MTRES1: variants seen among roughly 807,000 people sequenced by gnomAD.
The protein encoded by MTRES1 is mitochondrial transcription rescue factor 1.
In MTRES1, 11 loss-of-function variants were observed where a neutral mutation model predicts 17.4. The ratio of observed to expected loss-of-function variants is 0.63; its 90% CI spans 0.40 to 1.05. MTRES1 has a LOEUF of 1.05. MTRES1 is among the 50% of genes least tolerant of loss of function. MTRES1 has a pLI of 0.00. For synonymous variants in MTRES1, 94 were observed against 99.6 expected, an observed-to-expected ratio of 0.94 and a Z score of 0.34; for missense variants, 268 against 276.2, an observed-to-expected ratio of 0.97 and a Z score of 0.21.
At chr6:107,028,866 ATCTC>A (rs782377720) in intron 1 of MTRES1, 7 of 985,052 alleles carry the variant, frequency 7.1e-6, no homozygotes, top group Non-Finnish European at 8.4e-6. Flanking sequence ...TGCCGTGATC[ATCTC>A]TCCACTCATC....
At chr6:107,034,788 G>A (rs1254795448) in intron 1 of MTRES1, among the ~76,000 whole-genome samples, 1 of 152,120 alleles carries the variant, frequency 6.6e-6, no homozygotes. Context: ...GGGAGTTCAA[G>A]ACCAGCCTGA....
At chr6:107,044,674 G>A (rs1446608049) in intron 3 of MTRES1, among the ~76,000 whole-genome samples, 10 of 152,118 alleles carry the variant, frequency 6.6e-5, no homozygotes, top group African/African-American at 2.4e-4. Context: ...TTTGATCCAC[G>A]TAGAATTGTT....
intron 1 of MTRES1, among the ~76,000 whole-genome samples, chr6:107,031,396 AAAAG>A (rs1300740532): frequency 3.4e-5 from 5 of 148,020 alleles, no homozygotes; most frequent in South Asian, 2.2e-4. Context: ...AAAAAAAAAA[AAAAG>A]AAAAAAAAAG....
rs1434315581 is a variant in MTRES1 at position 107,044,341 on chromosome 6, C to T, written c.543+9C>T. On this transcript the variant is annotated intron_variant, in intron 3 of 3. Coordinates refer to ENST00000311381, the MANE Select transcript of MTRES1 (RefSeq NM_016487.5). Reference sequence around the variant, plus strand: ...GGAAGAAAAGCAGAACGGTGAGATACTAACCTAAAATGACAGCCAGATGTT... The same window carrying T: ...GGAAGAAAAGCAGAACGGTGAGATATTAACCTAAAATGACAGCCAGATGTT... 6.2e-7 allele frequency: 1 copy of T among 1,606,976 alleles called. No homozygotes were observed. Among genetic ancestry groups the T allele is most frequent in the Non-Finnish European group, 8.5e-7 (1 of 1,173,724 alleles).
intron 1 of MTRES1, among the ~76,000 whole-genome samples, chr6:107,036,277 C>G (rs1774003873): frequency 6.6e-6 from 1 of 152,130 alleles, no homozygotes; most frequent in African/African-American, 2.4e-5. Context: ...GGCACTGTGG[C>G]TCACACCTAT....
chr6:107,041,193 C>G (rs1476393302), intron 2 of MTRES1, among the ~76,000 whole-genome samples: 1 of 149,066 alleles, frequency 6.7e-6, no homozygotes, highest in East Asian at 2.0e-4. Context: ...CCATTGCACT[C>G]CAGCCTGGGC....
At chr6:107,049,953 T>C (rs1171740318) in intron 3 of MTRES1, among the ~76,000 whole-genome samples, 1 of 152,176 alleles carries the variant, frequency 6.6e-6, no homozygotes, top group African/African-American at 2.4e-5. Flanking sequence ...ACTCCTGACC[T>C]CAGGTGGTCC....
At chr6:107,029,885 C>T (rs993897690) in intron 1 of MTRES1, 1 of 591,144 alleles carries the variant, frequency 1.7e-6, no homozygotes, top group Non-Finnish European at 3.0e-6. Flanking sequence ...GGATTATAGG[C>T]GTGAGCCACC....
rs1427218651 is a variant in MTRES1, at chr6:107,028,291, C to A, written c.-13+20C>A. The A allele has an allele frequency of 1.3e-5, 2 of 152,246 alleles. No individual in the cohort carries two copies. The highest frequency in any genetic ancestry group is 2.4e-5 in the African/African-American group (1 of 41,418). The allele number at this position is 152,246 out of a possible 1,614,324, so 9.4% of individuals were successfully genotyped here. A position where few individuals can be genotyped will look rare whatever the true frequency, so the allele number is the denominator to read the frequency against. Reference sequence around the variant, plus strand: ...GTACAGGTGAGTGCGCCTCTGCTGGCGCGCCGCGCCGGGCCCCCTGCCCGC... The same window carrying A: ...GTACAGGTGAGTGCGCCTCTGCTGGAGCGCCGCGCCGGGCCCCCTGCCCGC... On this transcript the variant is annotated intron_variant, in intron 1 of 3. Transcript: ENST00000311381.
At chr6:107,029,969 G>A in intron 1 of MTRES1, 1 of 664,528 alleles carries the variant, frequency 1.5e-6, no homozygotes. Context: ...TTAACCACCA[G>A]CTATCATATA....
intron 1 of MTRES1, among the ~76,000 whole-genome samples, chr6:107,032,041 A>G (rs1240615721): frequency 1.3e-5 from 2 of 152,214 alleles, no homozygotes; most frequent in African/African-American, 4.8e-5. Flanking sequence ...GATGAGGACT[A>G]ACATGACCTT....
chr6:107,032,948 C>T (rs1773892417), intron 1 of MTRES1, among the ~76,000 whole-genome samples: 1 of 152,180 alleles, frequency 6.6e-6, no homozygotes, highest in Admixed American at 6.5e-5. Context: ...CACATCTGTG[C>T]CCTGGCAGTC....
rs1248820456 is a variant in MTRES1, at chr6:107,040,436, A to G, written c.470+206A>G. ...TGACTGCCTGCAAATCCTATGTGCC[A>G]TATTTGAATCTAAGACACAGTTGAC... On this transcript the variant is annotated intron_variant, in intron 2 of 3. Transcript: ENST00000311381. 3 of 400,010 alleles carry G rather than the reference A, an allele frequency of 7.5e-6. No individual in the cohort carries two copies. In the East Asian group the frequency reaches 1.4e-4, roughly 19 times the overall value. 24.8% of individuals were successfully genotyped at this position (400,010 alleles called of 1,614,324 possible). A position where few individuals can be genotyped will look rare whatever the true frequency, so the allele number is the denominator to read the frequency against.
At chr6:107,033,046 C>T (rs1582593389) in intron 1 of MTRES1, among the ~76,000 whole-genome samples, 1 of 152,138 alleles carries the variant, frequency 6.6e-6, no homozygotes, top group Non-Finnish European at 1.5e-5. Flanking sequence ...AGGAACTTGG[C>T]ATATGTGGGC....
chr6:107,032,806 C>CA (rs1444119392), intron 1 of MTRES1, among the ~76,000 whole-genome samples: 5 of 152,080 alleles, frequency 3.3e-5, no homozygotes, highest in African/African-American at 4.8e-5. Context: ...CATTATCAAG[C>CA]AAAAAAATCA....
Position 107,051,137 on chromosome 6 carries a change from G to GA in MTRES1, c.630dup (p.Val211SerfsTer3). On this transcript the variant is annotated frameshift_variant, in exon 4 of 4. Transcript: ENST00000311381. LOFTEE classifies it low-confidence loss of function (END_TRUNC). Reference sequence around the variant, plus strand: ...CAGAGACAGTTATGCGGATTCTCTTGAAAAAAGTGTTTGAAGAGAAGACTG... The same window carrying GA: ...CAGAGACAGTTATGCGGATTCTCTTGAAAAAAAGTGTTTGAAGAGAAGACTG... The GA allele has an allele frequency of 6.2e-7, 1 of 1,613,776 alleles. No homozygotes were observed. Among genetic ancestry groups the GA allele is most frequent in the Non-Finnish European group, 8.5e-7 (1 of 1,179,742 alleles).
At chr6:107,030,239 G>T (rs1773791467) in intron 1 of MTRES1, 1 of 696,878 alleles carries the variant, frequency 1.4e-6, no homozygotes. Context: ...TTAGACCATC[G>T]TAGAGACTTT....
At position 107,040,187 on chromosome 6, in the gene MTRES1, C is replaced by T. The variant is rs1335440945; in HGVS notation, c.427C>T (p.Arg143Trp). 9 of 1,609,384 alleles carry T rather than the reference C, an allele frequency of 5.6e-6. No homozygotes were observed. The highest frequency in any genetic ancestry group is 4.5e-5 in the South Asian group (4 of 89,470). The change falls in exon 2 of 4, where the codon CGG (arginine) becomes TGG (tryptophan). Residue 143 changes from arginine (R) to tryptophan (W), a missense_variant. Transcript: ENST00000311381. ...CCTGGAAAAAGCAGTTCAGTCTTTT[C>T]GGTATGATGTTGTCCTGAAGACGGG... ...KDLEKAVQSF[R>W]YDVVLKTGLD... is the part of the protein sequence containing the mutation.
chr6:107,046,236 G>A (rs531509550), intron 3 of MTRES1, among the ~76,000 whole-genome samples: 12 of 152,224 alleles, frequency 7.9e-5, no homozygotes, highest in Non-Finnish European at 1.5e-4. Flanking sequence ...AAAACAAGAT[G>A]TATTCTTGGA....
Sources: gnomAD v4.1 joint callset for allele counts (sites outside exome capture counted in the v4.1 genomes callset) on GRCh38, gnomAD v4.1.1 for gene constraint, MANE v1.5 for transcripts, NCBI Gene and HGNC (gene_info 2026-07-23, HGNC 2026-07-21) for gene names.